IQCE: variants seen among roughly 807,000 people sequenced by gnomAD.
The protein encoded by IQCE is IQ motif containing E.
IQCE carries 115 observed loss-of-function variants against 96.0 expected under a neutral mutation model. The observed-to-expected ratio is 1.20, with a 90% CI of 1.03 to 1.40. The LOEUF (loss-of-function observed/expected upper bound fraction) is 1.40. Ranked by LOEUF, IQCE falls within the 40% of genes most tolerant of loss-of-function variation. IQCE has a pLI of 0.00. For synonymous variants in IQCE, 412 were observed against 371.2 expected (o/e 1.11, Z -1.26); for missense variants, 1,041 against 909.1 (o/e 1.15, Z -1.87).
At position 2,578,356 on chromosome 7, in the gene IQCE, G is replaced by A. The variant is rs761425305; in HGVS notation, c.579+1G>A. The A allele has an allele frequency of 2.5e-6, 4 of 1,613,102 alleles. No homozygotes were observed. The highest frequency in any genetic ancestry group is 2.7e-5 in the African/African-American group (2 of 74,914). Reference sequence around the variant, plus strand: ...AGAGCAGCTCCTGGATCCCAGCCGCGTAAGCTCCTGGCGCTTCACGGACGG... The same window carrying A: ...AGAGCAGCTCCTGGATCCCAGCCGCATAAGCTCCTGGCGCTTCACGGACGG... On this transcript the variant is annotated splice_donor_variant, in intron 7 of 21. Transcript: ENST00000402050. LOFTEE classifies it high-confidence loss of function.
Position 2,587,815 on chromosome 7 carries a change from C to T in IQCE, c.989-7C>T. The T allele has an allele frequency of 6.2e-7, 1 of 1,614,028 alleles. No individual in the cohort carries two copies. The highest frequency in any genetic ancestry group is 8.5e-7 in the Non-Finnish European group (1 of 1,179,916). On this transcript the variant is annotated splice_polypyrimidine_tract_variant and splice_region_variant and intron_variant, in intron 12 of 21. Transcript: ENST00000402050. The stretch of plus-strand genomic sequence containing the variant: ...ATGCCGTTTTGAAACCGCATTGCTT[C>T]CATCAGGTTATGTGGAGTGGAGCAA...
chr7:2,562,297 T>C (rs1781025420), intron 1 of IQCE, among the ~76,000 whole-genome samples: 1 of 151,600 alleles, frequency 6.6e-6, no homozygotes, highest in Non-Finnish European at 1.5e-5. Flanking sequence ...TATATATATA[T>C]ATATAAAATC....
At chr7:2,571,439 T>C in intron 3 of IQCE, 87 bp from the exon 4 acceptor site, 1 of 1,555,798 alleles carries the variant, frequency 6.4e-7, no homozygotes, top group Non-Finnish European at 8.7e-7. Flanking sequence ...TGGATTTTGT[T>C]TTCCTATTTC....
intron 1 of IQCE, among the ~76,000 whole-genome samples, chr7:2,565,364 CTA>C (rs1165638992): frequency 6.6e-6 from 1 of 152,142 alleles, no homozygotes. Flanking sequence ...CTTCCCTGCA[CTA>C]TGACCGGCAG....
chr7:2,571,475 G>A (rs367633435), intron 3 of IQCE, 51 bp from the exon 4 acceptor site: 2 of 1,599,490 alleles, frequency 1.3e-6, no homozygotes, highest in African/African-American at 1.3e-5. Context: ...CATGTGTTGA[G>A]CTCACATGTT....
chr7:2,569,035 G>A lies in IQCE; in HGVS notation c.130+36G>A, dbSNP rs776581226. On this transcript the variant is annotated intron_variant, in intron 3 of 21. Transcript: ENST00000402050. ...CGAGGCCTGCCTTCCCTCTCACGCC[G>A]ACGTTCCCTGGTGTCCTGGAGAGAA... is the stretch of plus-strand genomic sequence containing the variant. The A allele has an allele frequency of 1.2e-5, 19 of 1,596,986 alleles. 1 individual carries two copies. Among genetic ancestry groups the A allele is most frequent in the East Asian group, 8.9e-5 (4 of 44,790 alleles).
Position 2,604,823 on chromosome 7 carries a change from C to T in IQCE, c.1633-58C>T, listed in dbSNP as rs1011368948. ...TCTCTCCTCGGCGCCTCCCTCTCGC[C>T]CGCCGTTGCCCCGGGCACTCACACC... On this transcript the variant is annotated intron_variant, in intron 18 of 21. Coordinates refer to ENST00000402050, the MANE Select transcript of IQCE (RefSeq NM_152558.5). 6.2e-6 allele frequency: 8 copies of T among 1,287,712 alleles called. No homozygotes were observed. In the African/African-American group the frequency reaches 8.8e-5, roughly 14 times the overall value. The allele number at this position is 1,287,712 out of a possible 1,614,324, so 79.8% of individuals were successfully genotyped here. A position where few individuals can be genotyped will look rare whatever the true frequency, so the allele number is the denominator to read the frequency against.
Position 2,605,901 on chromosome 7 carries a change from GC to G in IQCE, c.1773del (p.Ile592SerfsTer141), listed in dbSNP as rs757354301. The G allele has an allele frequency of 1.2e-6, 2 of 1,606,992 alleles. No homozygotes were observed. Among genetic ancestry groups the G allele is most frequent in the South Asian group, 2.2e-5 (2 of 89,802 alleles). ...AGCTCTCCTGTGCCCCGCGTTCCGA[GC>G]CCCATCGCCCAGGCCACGGGCAGCC... ...DQSSPVPRVPSPIAQATGSPV... is the reference protein window; with the variant it reads ...DQSSPVPRVPXPIAQATGSPV... On this transcript the variant is annotated frameshift_variant, in exon 20 of 22. Coordinates refer to ENST00000402050, the MANE Select transcript of IQCE (RefSeq NM_152558.5). LOFTEE classifies it high-confidence loss of function.
chr7:2,604,655 C>G (rs1431532008), intron 18 of IQCE, among the ~76,000 whole-genome samples: 4 of 152,214 alleles, frequency 2.6e-5, no homozygotes, highest in African/African-American at 7.2e-5. Flanking sequence ...CCCCACTGTG[C>G]TGACAGGTGC....
At chr7:2,575,734 G>A (rs1209422411) in intron 6 of IQCE, among the ~76,000 whole-genome samples, 1 of 152,188 alleles carries the variant, frequency 6.6e-6, no homozygotes, top group Non-Finnish European at 1.5e-5. Flanking sequence ...CTTTGCGTGG[G>A]TTTTTATGGT....
At chr7:2,607,405 C>A (rs548090582) in intron 21 of IQCE, 178 bp downstream of exon 21, 253 of 1,365,450 alleles carry the variant, frequency 1.9e-4, no homozygotes, top group Admixed American at 3.6e-4. Context: ...AACAGGGCCC[C>A]GCCTTGGCCC....
chr7:2,592,746 G>A (rs1562661538), intron 14 of IQCE, among the ~76,000 whole-genome samples: 1 of 152,338 alleles, frequency 6.6e-6, no homozygotes. Flanking sequence ...GCGGCTGGAG[G>A]GGCAACTCCT....
chr7:2,573,299 T>A (rs1781889317), intron 5 of IQCE, 119 bp from the exon 6 acceptor site: 1 of 631,752 alleles, frequency 1.6e-6, no homozygotes, highest in African/African-American at 1.9e-5. Flanking sequence ...TTTGGCTTTT[T>A]TATTTTCTTC....
At chr7:2,606,356 CTG>C (rs746347425) in intron 20 of IQCE, among the ~76,000 whole-genome samples, 2 of 152,122 alleles carry the variant, frequency 1.3e-5, no homozygotes, top group Non-Finnish European at 2.9e-5. Flanking sequence ...TGAAAGAAAA[CTG>C]TGTTGTGACC....
At chr7:2,587,977 G>A (rs911468516) in intron 13 of IQCE, 100 bp downstream of exon 13, 63 of 1,133,896 alleles carry the variant, frequency 5.6e-5, no homozygotes, top group Admixed American at 1.5e-4. Context: ...GCATGGCACT[G>A]GCTGTCTGCC....
intron 1 of IQCE, chr7:2,559,664 G>T (rs1780771790): frequency 6.5e-6 from 1 of 153,010 alleles, no homozygotes; most frequent in African/African-American, 2.4e-5. Context: ...GGTGGGGCCC[G>T]ATGTACTCCC....
At chr7:2,594,070 A>AC (rs1783827043) in intron 15 of IQCE, among the ~76,000 whole-genome samples, 1 of 151,352 alleles carries the variant, frequency 6.6e-6, no homozygotes, top group African/African-American at 2.4e-5. Flanking sequence ...GACCAGCCTG[A>AC]CCAACATGGT....
chr7:2,614,108 A>G lies in IQCE; in HGVS notation c.*3946A>G, dbSNP rs1264818647. On this transcript the variant is annotated 3_prime_UTR_variant, in exon 22 of 22. Transcript: ENST00000402050. ...ATGCCCTTGATCCCTCCGATGGACC[A>G]GAAACCCCCTTCCTTGCAAAAAAAA... is the stretch of plus-strand genomic sequence containing the variant. 5 of 151,252 alleles carry G rather than the reference A, an allele frequency of 3.3e-5. No individual in the cohort carries two copies. The highest frequency in any genetic ancestry group is 2.0e-4 in the Admixed American group (3 of 15,142). The allele number at this position is 151,252 out of a possible 1,614,324, so 9.4% of individuals were successfully genotyped here.
rs758410934 is a variant in IQCE, at chr7:2,605,961, C to A, written c.1829C>A (p.Ser610Tyr). The change falls in exon 20 of 22, where the codon TCC (serine) becomes TAC (tyrosine). Residue 610 changes from serine to tyrosine, a missense_variant. Coordinates refer to ENST00000402050, the MANE Select transcript of IQCE (RefSeq NM_152558.5). ...GAGGAGGCCATCGTCATCATCCAGT[C>A]CGCTCTGCGGGCACACCTGGCCCGG... ...VQEEAIVIIQ[S>Y]ALRAHLARAR... The A allele has an allele frequency of 6.2e-7, 1 of 1,610,866 alleles. No homozygotes were observed.
Sources: allele counts gnomAD v4.1 joint callset (sites outside exome capture counted in the v4.1 genomes callset), GRCh38; gene constraint gnomAD v4.1.1; transcripts MANE v1.5; gene names NCBI Gene and HGNC (gene_info 2026-07-23, HGNC 2026-07-21).